Variants in CUX1 observed in about 807,000 individuals in gnomAD.
CUX1 encodes cut like homeobox 1.
In CUX1, 31 loss-of-function variants were observed where a neutral mutation model predicts 158.8. The observed-to-expected ratio is 0.20, with a 90% confidence interval of 0.15 to 0.26. The LOEUF is 0.26. Ranked by LOEUF, CUX1 falls within the 10% of genes least tolerant of loss-of-function variation. The pLI is 1.00. For missense variants in CUX1, 1,589 were observed against 2,014.6 expected (o/e 0.79, Z 4.04); for synonymous variants, 879 against 862.1 (o/e 1.02, Z -0.34).
At chr7:102,280,154 G>A (rs1791953415) in intron 19 of CUX1, 2 of 1,468,996 alleles carry the variant, frequency 1.4e-6, no homozygotes, top group Admixed American at 1.7e-5. Flanking sequence ...GGGAGGGGAG[G>A]GGCATCAGCC....
At chr7:102,204,238 C>G (rs989236773) in intron 18 of CUX1, among the ~76,000 whole-genome samples, 153 bp from the exon 19 acceptor site, 9 of 152,226 alleles carry the variant, frequency 5.9e-5, no homozygotes, top group African/African-American at 2.2e-4. Context: ...ATATTCCCTG[C>G]CCACAAGCTG....
rs553051155 is a variant in CUX1 at position 102,064,546 on chromosome 7, TGC to T, written c.190-5792_190-5791del. On this transcript the variant is annotated intron_variant, in intron 3 of 23. Transcript: ENST00000292535. The stretch of plus-strand genomic sequence containing the variant: ...AGCCTTGGCTTGTACCTCCAAGGCA[TGC>T]AGTGGATGGGCTGAGCTCCCTGCAG... 1.1e-3 allele frequency among the ~76,000 whole-genome samples: 168 copies of T among 152,312 alleles called. 2 individuals are homozygous for T. Among genetic ancestry groups the T allele is most frequent in the African/African-American group, 3.9e-3 (164 of 41,574 alleles).
upstream of CUX1, chr7:101,816,860 G>T (rs1394669275): frequency 3.1e-6 from 3 of 961,622 alleles, no homozygotes; most frequent in African/African-American, 3.6e-5. Context: ...GCCGCCCCCG[G>T]CTGTCACCGG....
At chr7:102,112,859 C>T (rs1831078097) in intron 7 of CUX1, among the ~76,000 whole-genome samples, 1 of 152,140 alleles carries the variant, frequency 6.6e-6, no homozygotes, top group African/African-American at 2.4e-5. Context: ...GAAGCATCAC[C>T]ATGTATTTCA....
chr7:102,217,768 G>A (rs1797396485), intron 20 of CUX1, among the ~76,000 whole-genome samples: 2 of 150,884 alleles, frequency 1.3e-5, no homozygotes, highest in African/African-American at 4.9e-5. Flanking sequence ...TGGATGTGAT[G>A]GTGTCTAGAG....
chr7:102,026,768 C>T (rs1211199224), intron 2 of CUX1, among the ~76,000 whole-genome samples: 4 of 144,546 alleles, frequency 2.8e-5, no homozygotes, highest in African/African-American at 5.2e-5. Flanking sequence ...TGCAGTAAGC[C>T]GAGATCTCGC....
chr7:102,148,885 C>T (rs1319245200), intron 8 of CUX1, among the ~76,000 whole-genome samples: 2 of 151,486 alleles, frequency 1.3e-5, no homozygotes, highest in Non-Finnish European at 2.9e-5. Context: ...TTTGCATTTT[C>T]ATCGCTTAGC....
intron 8 of CUX1, among the ~76,000 whole-genome samples, chr7:102,149,343 G>T: frequency 6.6e-6 from 1 of 152,252 alleles, no homozygotes; most frequent in East Asian, 1.9e-4. Flanking sequence ...GTGCTGAATC[G>T]CTGGTGGCTG....
At chr7:102,139,083 A>C (rs1449483081) in intron 8 of CUX1, among the ~76,000 whole-genome samples, 1 of 151,902 alleles carries the variant, frequency 6.6e-6, no homozygotes, top group Non-Finnish European at 1.5e-5. Flanking sequence ...CATCTGTACT[A>C]AAAATACAAA....
At chr7:102,096,964 C>T (rs1359484176) in intron 4 of CUX1, among the ~76,000 whole-genome samples, 8 of 152,216 alleles carry the variant, frequency 5.3e-5, no homozygotes, top group Non-Finnish European at 1.0e-4. Flanking sequence ...TTAAACATCC[C>T]GGCACCTGTC....
intron 1 of CUX1, among the ~76,000 whole-genome samples, chr7:101,819,762 A>G (rs1792268546): frequency 6.6e-6 from 1 of 151,056 alleles, no homozygotes; most frequent in Non-Finnish European, 1.5e-5. Flanking sequence ...CCTATGTGAA[A>G]CTCTTTTTTT....
At chr7:102,127,201 C>CT (rs1832733182) in intron 8 of CUX1, among the ~76,000 whole-genome samples, 1 of 152,176 alleles carries the variant, frequency 6.6e-6, no homozygotes, top group African/African-American at 2.4e-5. Flanking sequence ...ATAGTGCTTT[C>CT]TTTTTTCTTT....
At chr7:101,990,462 C>T (rs930273644) in intron 2 of CUX1, among the ~76,000 whole-genome samples, 2 of 151,852 alleles carry the variant, frequency 1.3e-5, no homozygotes, top group African/African-American at 2.4e-5. Flanking sequence ...CTGCAACCTC[C>T]GCCTCCTGGG....
chr7:102,225,426 T>G lies in CUX1; in HGVS notation c.3131-1941T>G, dbSNP rs1344087796. Among the ~76,000 whole-genome samples, 3 of 152,232 alleles carry G rather than the reference T, an allele frequency of 2.0e-5. No homozygotes were observed. The East Asian group carries it at 5.8e-4, about 29-fold the overall frequency. ...GGATACAGTATGTCCAGAAAAGGAC[T>G]CTTAAGATAAATGGTAAATTGAAGT... On this transcript the variant is annotated intron_variant, in intron 20 of 23. Coordinates refer to ENST00000292535, the MANE Select transcript of CUX1 (RefSeq NM_181552.4).
chr7:102,185,969 G>A (rs1793578440), intron 11 of CUX1, among the ~76,000 whole-genome samples: 1 of 152,312 alleles, frequency 6.6e-6, no homozygotes, highest in African/African-American at 2.4e-5. Flanking sequence ...CTAGGAATAA[G>A]CGCAGGTCTA....
chr7:102,036,543 AC>A (rs1187503577), intron 3 of CUX1, among the ~76,000 whole-genome samples: 1 of 151,662 alleles, frequency 6.6e-6, no homozygotes, highest in African/African-American at 2.4e-5. Context: ...AGTTCCATAC[AC>A]CAGCCTGACC....
intron 2 of CUX1, among the ~76,000 whole-genome samples, chr7:101,928,175 C>G (rs1805840384): frequency 1.3e-5 from 2 of 152,124 alleles, no homozygotes; most frequent in African/African-American, 4.8e-5. Flanking sequence ...TCTATCACGT[C>G]TAAGCCTCTA....
chr7:102,255,463 GC>G lies in CUX1; in HGVS notation c.*6426del. On this transcript the variant is annotated 3_prime_UTR_variant, in exon 24 of 24. Transcript: ENST00000292535. ...ATGCATAAATGTGCACTTCCCCCAT[GC>G]CCCCGTTCTTAAACTCTTAAGATGC... The G allele has an allele frequency of 1.0e-6, 1 of 984,454 alleles. No individual in the cohort carries two copies. Among genetic ancestry groups the G allele is most frequent in the Non-Finnish European group, 1.2e-6 (1 of 829,834 alleles). 61.0% of individuals were successfully genotyped at this position (984,454 alleles called of 1,614,324 possible).
At chr7:102,050,684 T>TTTATTATTATTATTA (rs149429897) in intron 3 of CUX1, among the ~76,000 whole-genome samples, 60 of 147,534 alleles carry the variant, frequency 4.1e-4, no homozygotes, top group African/African-American at 1.4e-3. Context: ...GTGAATTCTT[T>TTTATTATTATTATTA]TTATTATTAT....
Sources: allele counts gnomAD v4.1 joint callset (sites outside exome capture counted in the v4.1 genomes callset), GRCh38; gene constraint gnomAD v4.1.1; transcripts MANE v1.5; gene names NCBI Gene and HGNC (gene_info 2026-07-23, HGNC 2026-07-21).